SAMM50: variants seen among roughly 807,000 people sequenced by gnomAD.
SAMM50 encodes the protein SAMM50 sorting and assembly machinery component.
Under a neutral mutation model 66.9 loss-of-function variants are expected in SAMM50, and 47 were observed. That is an observed-to-expected ratio of 0.70 (90% CI 0.56 to 0.90). SAMM50 has a LOEUF of 0.90. Ranked by LOEUF, SAMM50 falls within the 40% of genes least tolerant of loss-of-function variation. The pLI is 0.00. For synonymous variants in SAMM50, 191 were observed against 214.1 expected (o/e 0.89, Z 0.94); for missense variants, 535 against 595.3 (o/e 0.90, Z 1.05).
intron 9 of SAMM50, among the ~76,000 whole-genome samples, chr22:43,977,339 T>G (rs566886229): frequency 1.3e-5 from 2 of 151,978 alleles, no homozygotes; most frequent in Non-Finnish European, 2.9e-5. Context: ...GCAGGCACAG[T>G]GAGGAGCCCA....
At chr22:43,961,877 T>C (rs1171468651) in intron 1 of SAMM50, among the ~76,000 whole-genome samples, 2 of 152,066 alleles carry the variant, frequency 1.3e-5, no homozygotes, top group Non-Finnish European at 2.9e-5. Context: ...CCCACCATAC[T>C]TGACCTTTCT....
intron 7 of SAMM50, 133 bp downstream of exon 7, chr22:43,973,456 C>A: frequency 1.6e-6 from 1 of 609,548 alleles, no homozygotes; most frequent in Non-Finnish European, 3.0e-6. Context: ...TACCTCCTGG[C>A]CAGGTGCCTC....
At position 43,955,531 on chromosome 22, in the gene SAMM50, C is replaced by G; in HGVS notation, c.-47C>G. Reference sequence around the variant, plus strand: ...CCTTCTGCCCTCAGCAGCAGACGCTCTGTCCCGCCCGGGCAGCTCTGCGAG... The same window carrying G: ...CCTTCTGCCCTCAGCAGCAGACGCTGTGTCCCGCCCGGGCAGCTCTGCGAG... On this transcript the variant is annotated 5_prime_UTR_variant, in exon 1 of 15. Coordinates refer to ENST00000350028, the MANE Select transcript of SAMM50 (RefSeq NM_015380.5). 1.3e-6 allele frequency: 2 copies of G among 1,583,010 alleles called. No homozygotes were observed. The highest frequency in any genetic ancestry group is 1.7e-4 in the Middle Eastern group (1 of 5,976).
At chr22:43,985,391 T>C (rs1408420135) in intron 12 of SAMM50, among the ~76,000 whole-genome samples, 1 of 152,048 alleles carries the variant, frequency 6.6e-6, no homozygotes, top group East Asian at 1.9e-4. Flanking sequence ...ACGACAGGTC[T>C]TTGAACTATC....
In SAMM50 at chr22:43,996,526, A is replaced by C. The variant is rs2050356351; in HGVS notation, c.*143A>C. ...CCCCGTCAATAAATGTTAAAGACAC[A>C]CTCCGAGGCAGCGTGGATGTGGTTT... On this transcript the variant is annotated 3_prime_UTR_variant, in exon 15 of 15. Coordinates refer to ENST00000350028, the MANE Select transcript of SAMM50 (RefSeq NM_015380.5). 2.4e-6 allele frequency: 2 copies of C among 819,984 alleles called. No homozygotes were observed. Among genetic ancestry groups the C allele is most frequent in the Non-Finnish European group, 4.2e-6 (2 of 479,314 alleles). The allele number at this position is 819,984 out of a possible 1,614,324, so 50.8% of individuals were successfully genotyped here. A position where few individuals can be genotyped will look rare whatever the true frequency, so the allele number is the denominator to read the frequency against.
chr22:43,976,705 T>C (rs764225875), intron 8 of SAMM50, 45 bp from the exon 9 acceptor site: 16 of 1,446,344 alleles, frequency 1.1e-5, no homozygotes, highest in Non-Finnish European at 1.4e-5. Context: ...GGTTATCTAA[T>C]AGAACTTCTT....
intron 13 of SAMM50, among the ~76,000 whole-genome samples, 183 bp from the exon 14 acceptor site, chr22:43,990,082 T>C (rs1486978575): frequency 6.6e-6 from 1 of 152,230 alleles, no homozygotes; most frequent in Non-Finnish European, 1.5e-5. Flanking sequence ...TGAGTAAGTG[T>C]GGCTCCAAGT....
At position 43,976,200 on chromosome 22, in the gene SAMM50, G is replaced by A. The variant is rs774145320; in HGVS notation, c.777+17G>A. The A allele has an allele frequency of 1.8e-5, 29 of 1,593,686 alleles. No individual in the cohort carries two copies. Among genetic ancestry groups the A allele is most frequent in the Non-Finnish European group, 2.5e-5 (29 of 1,163,506 alleles). On this transcript the variant is annotated intron_variant, in intron 8 of 14. Transcript: ENST00000350028. ...TCTCTTTCGGTAACGGTTTCTCTTA[G>A]TTGGAGTAAATAATTTTGTTGATGG...
At chr22:43,979,725 A>G (rs140218530) in intron 10 of SAMM50, among the ~76,000 whole-genome samples, 4 of 151,754 alleles carry the variant, frequency 2.6e-5, no homozygotes, top group African/African-American at 7.3e-5. Context: ...ACTTTCCTAC[A>G]CAAACTGCTT....
At position 43,983,958 on chromosome 22, in the gene SAMM50, A is replaced by G. The variant is rs8418; in HGVS notation, c.1033A>G (p.Ile345Val). The G allele has an allele frequency of 0.61, 985,940 of 1,607,494 alleles. 308,072 individuals are homozygous for G. Among genetic ancestry groups the G allele is most frequent in the African/African-American group, 0.88 (65,531 of 74,778 alleles). The change falls in exon 12 of 15, where the codon ATC becomes GTC. Residue 345 changes from isoleucine (I) to valine (V), a missense_variant. By Grantham distance (29) the Ile-to-Val change is conservative (BLOSUM62 3). Coordinates refer to ENST00000350028, the MANE Select transcript of SAMM50 (RefSeq NM_015380.5). The surrounding 1 kb of genome is among the most constrained non-coding windows in gnomAD (Gnocchi z 4.2). ...DRFYLGGPTS[I>V]RGFSMHSIGP... ...GTTTTACCTTGGGGGACCCACAAGC[A>G]TCCGCGGATTCAGCATGCACAGCAT...
At chr22:43,984,966 C>A (rs1251878041) in intron 12 of SAMM50, among the ~76,000 whole-genome samples, 1 of 151,978 alleles carries the variant, frequency 6.6e-6, no homozygotes, top group Non-Finnish European at 1.5e-5. Flanking sequence ...CTCTCATCAC[C>A]TCCCATAAAA....
chr22:43,981,707 A>C (rs985605239), intron 11 of SAMM50, among the ~76,000 whole-genome samples: 2 of 152,256 alleles, frequency 1.3e-5, no homozygotes, highest in African/African-American at 4.8e-5. Flanking sequence ...TTATGAAGGA[A>C]TATAGTTCAT....
chr22:43,984,077 T>A, intron 12 of SAMM50, 77 bp downstream of exon 12: 1 of 1,251,366 alleles, frequency 8.0e-7, no homozygotes, highest in Non-Finnish European at 1.1e-6. Flanking sequence ...TGTTATTAGC[T>A]TACAGCGATA....
chr22:43,958,478 T>TTC (rs1603418416), intron 1 of SAMM50, among the ~76,000 whole-genome samples: 2 of 142,754 alleles, frequency 1.4e-5, no homozygotes, highest in East Asian at 4.2e-4. Context: ...ATGGAGCTCT[T>TTC]TTTTTTTTTT....
At chr22:43,994,551 A>G (rs1242804305) in intron 14 of SAMM50, among the ~76,000 whole-genome samples, 1 of 152,208 alleles carries the variant, frequency 6.6e-6, no homozygotes, top group Non-Finnish European at 1.5e-5. Context: ...CTCCAGCCTC[A>G]GAGTCCAAGT....
At chr22:43,984,613 T>G (rs1340430593) in intron 12 of SAMM50, among the ~76,000 whole-genome samples, 1 of 150,466 alleles carries the variant, frequency 6.6e-6, no homozygotes, top group African/African-American at 2.5e-5. Flanking sequence ...GCCCGACCCC[T>G]ATGTATTATT....
At chr22:43,980,276 C>G (rs1449800987) in intron 10 of SAMM50, among the ~76,000 whole-genome samples, 2 of 131,926 alleles carry the variant, frequency 1.5e-5, no homozygotes, top group Non-Finnish European at 3.2e-5. Context: ...AATTCCTGCT[C>G]TCAAGGAACT....
intron 1 of SAMM50, among the ~76,000 whole-genome samples, chr22:43,959,206 A>G (rs2050135877): frequency 6.6e-6 from 1 of 151,950 alleles, no homozygotes; most frequent in Admixed American, 6.6e-5. Flanking sequence ...TTTACCTGAG[A>G]TGGGGTTTCA....
At chr22:43,966,374 T>G (rs1031243021) in intron 3 of SAMM50, among the ~76,000 whole-genome samples, 2 of 152,100 alleles carry the variant, frequency 1.3e-5, no homozygotes, top group African/African-American at 4.8e-5. Context: ...TTTTTTTTTT[T>G]GAGACGGAGT....
Sources: gnomAD v4.1 joint callset for allele counts (sites outside exome capture counted in the v4.1 genomes callset) on GRCh38, gnomAD v4.1.1 for gene constraint, Gnocchi (gnomAD v3.1) non-coding constraint, MANE v1.5 for transcripts, NCBI Gene and HGNC (gene_info 2026-07-23, HGNC 2026-07-21) for gene names.